The following CTNNA3 variants were observed in gnomAD, a reference collection of about 807,000 sequenced individuals.
The protein encoded by CTNNA3 is catenin alpha 3, also known as catenin alpha-3.
In CTNNA3, 76 loss-of-function variants were observed where a neutral mutation model predicts 95.7. The observed-to-expected ratio is 0.79, with a 90% CI of 0.66 to 0.96. CTNNA3 has a LOEUF of 0.96. Ranked by LOEUF, CTNNA3 falls within the 40% of genes least tolerant of loss-of-function variation. The pLI is 0.00. For synonymous variants in CTNNA3, 431 were observed against 374.4 expected, an observed-to-expected ratio of 1.15 and a Z score of -1.74; for missense variants, 1,191 against 1,089.8, an observed-to-expected ratio of 1.09 and a Z score of -1.31.
chr10:66,884,863 G>A (rs1262938219), intron 7 of CTNNA3, among the ~76,000 whole-genome samples: 1 of 152,084 alleles, frequency 6.6e-6, no homozygotes, highest in African/African-American at 2.4e-5. Context: ...ATACCCGTGT[G>A]GTAGTAGGCA....
intron 5 of CTNNA3, among the ~76,000 whole-genome samples, chr10:67,516,489 C>G (rs1466290629): frequency 2.6e-5 from 4 of 152,150 alleles, no homozygotes; most frequent in Non-Finnish European, 5.9e-5. Context: ...CCTCAGAGTT[C>G]TCAAGTTCCC....
chr10:65,929,237 GGTGTATAT>G lies in CTNNA3; in HGVS notation c.2401-8628_2401-8621del, dbSNP rs551898687. ...TTTTTGTGTCTGCATAGTTTTCCAT[GGTGTATAT>G]GTGCCACATTTTCTTAATCCAGTCT... On this transcript the variant is annotated intron_variant, in intron 17 of 17. Transcript: ENST00000433211. 2.1e-3 allele frequency among the ~76,000 whole-genome samples: 313 copies of G among 152,164 alleles called. 1 individual carries two copies. The highest frequency in any genetic ancestry group is 6.8e-3 in the Middle Eastern group (2 of 294).
At chr10:67,540,168 C>A (rs1840628908) in intron 3 of CTNNA3, among the ~76,000 whole-genome samples, 1 of 152,016 alleles carries the variant, frequency 6.6e-6, no homozygotes, top group African/African-American at 2.4e-5. Context: ...AATAGTACTT[C>A]ATAGTACCTA....
intron 13 of CTNNA3, among the ~76,000 whole-genome samples, chr10:66,261,585 A>G (rs1303777840): frequency 1.3e-5 from 2 of 152,092 alleles, no homozygotes; most frequent in African/African-American, 4.8e-5. Flanking sequence ...TTCTGGACAG[A>G]AATATGGCTA....
intron 9 of CTNNA3, among the ~76,000 whole-genome samples, chr10:66,669,382 A>G (rs911438729): frequency 1.1e-4 from 16 of 151,988 alleles, no homozygotes; most frequent in African/African-American, 3.9e-4. Flanking sequence ...CATCTCTACT[A>G]AAAATACAAA....
intron 7 of CTNNA3, among the ~76,000 whole-genome samples, chr10:66,940,859 T>A (rs1375999958): frequency 6.6e-6 from 1 of 152,196 alleles, no homozygotes; most frequent in African/African-American, 2.4e-5. Context: ...TCTGGTAATA[T>A]GACAAAACAG....
At chr10:67,120,717 T>C (rs149874029) in intron 7 of CTNNA3, among the ~76,000 whole-genome samples, 3 of 152,024 alleles carry the variant, frequency 2.0e-5, no homozygotes, top group East Asian at 3.9e-4. Context: ...TATTGCCCAT[T>C]TTCTTGATGA....
At chr10:66,289,293 A>G in intron 12 of CTNNA3, among the ~76,000 whole-genome samples, 1 of 93,614 alleles carries the variant, frequency 1.1e-5, no homozygotes, top group Non-Finnish European at 2.3e-5. Context: ...CAAGGTTAAG[A>G]TTTTTAAAGA....
chr10:67,340,270 A>T (rs1842138794), intron 5 of CTNNA3, among the ~76,000 whole-genome samples: 1 of 152,214 alleles, frequency 6.6e-6, no homozygotes, highest in Non-Finnish European at 1.5e-5. Context: ...TATTACCAGA[A>T]TATTCCAAAA....
intron 7 of CTNNA3, among the ~76,000 whole-genome samples, chr10:66,924,679 G>A (rs1021177873): frequency 1.3e-5 from 2 of 152,160 alleles, no homozygotes; most frequent in African/African-American, 2.4e-5. Flanking sequence ...TATTCAGTAC[G>A]TAATCCTAGC....
intron 13 of CTNNA3, among the ~76,000 whole-genome samples, chr10:66,165,438 G>A (rs2085077715): frequency 6.6e-6 from 1 of 151,974 alleles, no homozygotes. Flanking sequence ...ATATACCCAG[G>A]TAACAAACCT....
intron 1 of CTNNA3, among the ~76,000 whole-genome samples, chr10:67,744,049 AT>A: frequency 6.6e-6 from 1 of 151,534 alleles, no homozygotes; most frequent in African/African-American, 2.4e-5. Flanking sequence ...GATAGGAAGA[AT>A]CAATACCATG....
In CTNNA3 at chr10:67,297,762, T is replaced by C. The variant is rs76324171; in HGVS notation, c.580-77892A>G. Among the ~76,000 whole-genome samples, 677 of 152,328 alleles carry C rather than the reference T, an allele frequency of 4.4e-3. 5 individuals carry two copies. Among genetic ancestry groups the C allele is most frequent in the African/African-American group, 0.015 (640 of 41,574 alleles). On this transcript the variant is annotated intron_variant, in intron 5 of 17. Transcript: ENST00000433211. ...GAATGCTCTTAGGCACATCCTATTT[T>C]AAGGTTCACTGGATTCGATAACACC...
At chr10:66,865,312 A>G (rs1844129744) in intron 7 of CTNNA3, among the ~76,000 whole-genome samples, 1 of 151,966 alleles carries the variant, frequency 6.6e-6, no homozygotes, top group Admixed American at 6.6e-5. Flanking sequence ...TATGCAAGCT[A>G]CATAGTAGAA....
At chr10:67,142,107 G>GA (rs1860596271) in intron 7 of CTNNA3, among the ~76,000 whole-genome samples, 1 of 151,492 alleles carries the variant, frequency 6.6e-6, no homozygotes, top group African/African-American at 2.4e-5. Flanking sequence ...TTATGAAAAT[G>GA]AAAAAAAGTG....
intron 7 of CTNNA3, among the ~76,000 whole-genome samples, chr10:66,854,855 A>G (rs934338692): frequency 6.6e-6 from 1 of 151,722 alleles, no homozygotes; most frequent in Admixed American, 6.6e-5. Context: ...GAAGCATTGG[A>G]CTCAGACAGA....
At chr10:67,578,064 T>TG (rs796395415) in intron 3 of CTNNA3, among the ~76,000 whole-genome samples, 2 of 139,320 alleles carry the variant, frequency 1.4e-5, no homozygotes, top group South Asian at 2.3e-4. Flanking sequence ...GTGAACTGTG[T>TG]GGGAAAAAAA....
At chr10:67,338,131 G>T (rs1212747044) in intron 5 of CTNNA3, among the ~76,000 whole-genome samples, 2 of 152,090 alleles carry the variant, frequency 1.3e-5, no homozygotes, top group East Asian at 3.9e-4. Context: ...ACCCAAGGCT[G>T]GGTAATTTAT....
At chr10:66,106,137 G>A (rs1301302684) in intron 13 of CTNNA3, among the ~76,000 whole-genome samples, 1 of 151,700 alleles carries the variant, frequency 6.6e-6, no homozygotes, top group African/African-American at 2.4e-5. Context: ...AATCCAGGCG[G>A]CGGAGGTTGC....
Sources: allele counts gnomAD v4.1 joint callset (sites outside exome capture counted in the v4.1 genomes callset), GRCh38; gene constraint gnomAD v4.1.1; transcripts MANE v1.5; gene names NCBI Gene and HGNC (gene_info 2026-07-23, HGNC 2026-07-21).